Variants in ZNF615 observed in about 807,000 individuals in gnomAD.
ZNF615 encodes the protein zinc finger protein 615.
In ZNF615, 15 loss-of-function variants were observed where a neutral mutation model predicts 15.3. The ratio of observed to expected loss-of-function variants is 0.98; its 90% CI spans 0.66 to 1.51. The LOEUF is 1.51. Among genes scored for constraint, ZNF615 ranks in the 40% most tolerant of loss-of-function variants. The pLI is 0.00. For missense variants in ZNF615, 848 were observed against 895.9 expected (o/e 0.95, Z 0.68); for synonymous variants, 268 against 294.6 (o/e 0.91, Z 0.92).
chr19:51,994,762 T>C lies in ZNF615; in HGVS notation c.347A>G (p.His116Arg). 2 of 1,613,576 alleles carry C rather than the reference T, an allele frequency of 1.2e-6. No individual in the cohort carries two copies. The highest frequency in any genetic ancestry group is 2.2e-5 in the East Asian group (1 of 44,856). Reference sequence around the variant, plus strand: ...AATATTTCCAAACATATTCTGTTCATGGCACTGTTTCACACTCTTCTGAAT... The same window carrying C: ...AATATTTCCAAACATATTCTGTTCACGGCACTGTTTCACACTCTTCTGAAT... ...QSIQKSVKQCHEQNMFGNIVN... is the reference protein window; with the variant it reads ...QSIQKSVKQCREQNMFGNIVN... Residue 116 changes from histidine (H) to arginine (R), a missense_variant, in exon 7 of 7, where the codon CAT (histidine) becomes CGT (arginine). By Grantham distance (29) the His-to-Arg change is conservative (BLOSUM62 0). Transcript: ENST00000598071.
chr19:51,994,902 T>C, intron 6 of ZNF615, 65 bp from the exon 7 acceptor site: 1 of 1,428,996 alleles, frequency 7.0e-7, no homozygotes, highest in Non-Finnish European at 9.3e-7. Context: ...TTTAAACTAT[T>C]TTTTAAAACT....
At chr19:51,998,379 G>A (rs8103812) in intron 6 of ZNF615, among the ~76,000 whole-genome samples, 59,675 of 151,950 alleles carry the variant, frequency 0.39, 13,038 homozygotes, top group African/African-American at 0.58. Context: ...GAGCCTACAC[G>A]TGTTCATCAT....
chr19:52,004,265 C>T (rs2086686487), intron 2 of ZNF615, among the ~76,000 whole-genome samples: 1 of 152,174 alleles, frequency 6.6e-6, no homozygotes, highest in African/African-American at 2.4e-5. Context: ...GTGTACCCAT[C>T]TACCTTTTCA....
chr19:52,005,616 G>A (rs758275879), intron 2 of ZNF615, among the ~76,000 whole-genome samples: 12 of 152,156 alleles, frequency 7.9e-5, no homozygotes, highest in Non-Finnish European at 1.3e-4. Flanking sequence ...GCCCAACTGT[G>A]AATTTGTGCA....
chr19:52,001,999 T>C (rs2086610798), intron 4 of ZNF615, 91 bp from the exon 5 acceptor site: 1 of 1,595,290 alleles, frequency 6.3e-7, no homozygotes, highest in Non-Finnish European at 8.6e-7. Flanking sequence ...ACTACATAGG[T>C]ATCAGATCTG....
At position 51,993,633 on chromosome 19, in the gene ZNF615, C is replaced by T. The variant is rs759942615; in HGVS notation, c.1476G>A (p.Glu492=). The stretch of plus-strand genomic sequence containing the variant: ...CACAATCATTGCATATATATGGCTT[C>T]TCTGCAGTATGAGTTCGCTGATGTA... The part of the protein sequence containing the change: ...LIVHQRTHTA[E]KPYICNDCGK... Residue 492 remains glutamate (E), a synonymous_variant, in exon 7 of 7, where the codon GAG becomes GAA. Transcript: ENST00000598071. 8.1e-6 allele frequency: 13 copies of T among 1,613,854 alleles called. No homozygotes were observed. Among genetic ancestry groups the T allele is most frequent in the Middle Eastern group, 1.6e-4 (1 of 6,082 alleles).
intron 2 of ZNF615, among the ~76,000 whole-genome samples, chr19:52,006,271 G>A (rs2086748947): frequency 1.3e-5 from 2 of 152,180 alleles, no homozygotes; most frequent in Non-Finnish European, 2.9e-5. Flanking sequence ...GAAACCAGGC[G>A]GGAGGAAGGG....
chr19:51,992,967 T>C lies in ZNF615; in HGVS notation c.2142A>G (p.Thr714=), dbSNP rs896559410. Residue 714 remains threonine, a synonymous_variant, in exon 7 of 7, where the codon ACA becomes ACG. Transcript: ENST00000598071. The part of the protein sequence containing the change: ...SGLNVHQRKH[T]GERPYGCSDC... ...CACTACATCCATAGGGCCTCTCTCC[T>C]GTATGTTTTCTTTGATGAACATTGA... 1.7e-5 allele frequency: 28 copies of C among 1,614,208 alleles called. No homozygotes were observed. The highest frequency in any genetic ancestry group is 5.3e-5 in the African/African-American group (4 of 75,056).
intron 6 of ZNF615, among the ~76,000 whole-genome samples, chr19:51,999,802 T>C (rs766188771): frequency 3.7e-4 from 56 of 152,228 alleles, no homozygotes; most frequent in Admixed American, 1.2e-3. Context: ...TATTAAAAGA[T>C]CTTTTCTAAT....
At position 51,994,214 on chromosome 19, in the gene ZNF615, A is replaced by C. The variant is rs1187420295; in HGVS notation, c.895T>G (p.Tyr299Asp). Residue 299 changes from tyrosine (Y) to aspartate (D), a missense_variant, in exon 7 of 7, where the codon TAC becomes GAC. Physicochemically the swap from Tyr to Asp is radical, Grantham distance 160. Transcript: ENST00000598071. ...GCTTTCCCACATTGGCTACATGTGT[A>C]AGGTTTCCCTCCCATATGAGTTTTC... ...HQKTHMGGKP[Y>D]TCSQCGKAFI... 1 of 1,613,792 alleles carries C rather than the reference A, an allele frequency of 6.2e-7. No individual in the cohort carries two copies. The highest frequency in any genetic ancestry group is 8.5e-7 in the Non-Finnish European group (1 of 1,180,010).
Position 51,993,244 on chromosome 19 carries a change from A to G in ZNF615, c.1865T>C (p.Leu622Pro), listed in dbSNP as rs772193641. 2.6e-5 allele frequency: 42 copies of G among 1,614,036 alleles called. No homozygotes were observed. The highest frequency in any genetic ancestry group is 5.3e-5 in the African/African-American group (4 of 74,914). ...AGTATGAGTTTGCTGATGTATACTG[A>G]GAGTACTCTTCATGGTGAAGCCCTT... ...CGKGFTMKST[L>P]SIHQQTHTGE... Residue 622 changes from leucine to proline, a missense_variant, in exon 7 of 7, where the codon CTC becomes CCC. Transcript: ENST00000598071.
rs569297805 is a variant in ZNF615 at position 51,993,280 on chromosome 19, T to C, written c.1829A>G (p.Asn610Ser). 2 of 1,614,116 alleles carry C rather than the reference T, an allele frequency of 1.2e-6. No individual in the cohort carries two copies. The highest frequency in any genetic ancestry group is 1.7e-5 in the Admixed American group (1 of 60,020). ...CATGGTGAAGCCCTTTCCACATTCA[T>C]TGCATATATAAGGTTTCTCCCCAGT... ...THTGEKPYIC[N>S]ECGKGFTMKS... The change falls in exon 7 of 7, where the codon AAT becomes AGT. Residue 610 changes from asparagine to serine, a missense_variant. Physicochemically the swap from Asn to Ser is conservative, Grantham distance 46. Transcript: ENST00000598071.
chr19:52,001,944 C>T lies in ZNF615; in HGVS notation c.143-36G>A, dbSNP rs202142538. The T allele has an allele frequency of 3.1e-6, 5 of 1,610,426 alleles. No individual in the cohort carries two copies. The Admixed American group carries it at 5.0e-5, about 16-fold the overall frequency. On this transcript the variant is annotated intron_variant, in intron 4 of 6. Transcript: ENST00000598071. ...GAAATGACAGAAGATTTAGACAAAT[C>T]AAACGGGGCTGGCAATATTGAAAAA...
chr19:51,997,523 C>T (rs1025243586), intron 6 of ZNF615, among the ~76,000 whole-genome samples: 10 of 152,032 alleles, frequency 6.6e-5, no homozygotes, highest in African/African-American at 1.9e-4. Flanking sequence ...CATACTATCC[C>T]GTGTTGCTAC....
At chr19:51,996,902 AAAGT>A (rs1230146018) in intron 6 of ZNF615, among the ~76,000 whole-genome samples, 1 of 152,274 alleles carries the variant, frequency 6.6e-6, no homozygotes, top group African/African-American at 2.4e-5. Context: ...TCTCACAAAA[AAAGT>A]AAGTACGTGA....
intron 5 of ZNF615, among the ~76,000 whole-genome samples, chr19:52,001,357 A>G (rs868527363): frequency 6.6e-6 from 1 of 152,050 alleles, no homozygotes; most frequent in Non-Finnish European, 1.5e-5. Flanking sequence ...CAGTGGCTCA[A>G]GCCTGTAATC....
Position 52,000,379 on chromosome 19 carries a change from C to CTAAAATAAAAACATAAAAGA in ZNF615, c.239-21_239-2dup. ...GCACCTCCTGATGCACCTCCTGAAT[C>CTAAAATAAAAACATAAAAGA]TAAAATAAAAACATAAAAGATAAAA... On this transcript the variant is annotated splice_acceptor_variant, in intron 5 of 6. Coordinates refer to ENST00000598071, the MANE Select transcript of ZNF615 (RefSeq NM_001199324.2). LOFTEE classifies it high-confidence loss of function. 1.6e-6 allele frequency: 1 copy of CTAAAATAAAAACATAAAAGA among 620,222 alleles called. No homozygotes were observed. Among genetic ancestry groups the CTAAAATAAAAACATAAAAGA allele is most frequent in the Middle Eastern group, 2.5e-4 (1 of 3,994 alleles). 38.4% of individuals were successfully genotyped at this position (620,222 alleles called of 1,614,324 possible).
In ZNF615 at chr19:52,003,786, C is replaced by A; in HGVS notation, c.-75G>T. The A allele has an allele frequency of 6.3e-7, 1 of 1,587,900 alleles. No homozygotes were observed. Among genetic ancestry groups the A allele is most frequent in the Non-Finnish European group, 8.6e-7 (1 of 1,169,586 alleles). ...TCTCTTCTGAATCAGCTCTAAATTT[C>A]GGTTCAAAAACTTCAATCTCCAATC... On this transcript the variant is annotated 5_prime_UTR_variant, in exon 3 of 7. Coordinates refer to ENST00000598071, the MANE Select transcript of ZNF615 (RefSeq NM_001199324.2).
Position 51,993,091 on chromosome 19 carries a change from A to G in ZNF615, c.2018T>C (p.Leu673Ser), listed in dbSNP as rs1324032167. ...ATGTGTAATAAGATCATTTTTGCGC[A>G]AAGAGAATTTTCCACATTCAGTACA... ...FACTECGKFS[L>S]RKNDLITHQR... Residue 673 changes from leucine to serine, a missense_variant, in exon 7 of 7, where the codon TTG becomes TCG. Coordinates refer to ENST00000598071, the MANE Select transcript of ZNF615 (RefSeq NM_001199324.2). 10 of 1,614,044 alleles carry G rather than the reference A, an allele frequency of 6.2e-6. No homozygotes were observed. The highest frequency in any genetic ancestry group is 6.8e-6 in the Non-Finnish European group (8 of 1,180,020).
Sources: allele counts gnomAD v4.1 joint callset (sites outside exome capture counted in the v4.1 genomes callset), GRCh38; gene constraint gnomAD v4.1.1; transcripts MANE v1.5; gene names NCBI Gene and HGNC (gene_info 2026-07-23, HGNC 2026-07-21).